Variants in FBXO11 observed in about 807,000 individuals in gnomAD.
FBXO11 encodes the protein F-box protein 11.
A neutral mutation model predicts 117.0 loss-of-function variants in FBXO11; 13 were observed. The observed-to-expected ratio is 0.11, with a 90% CI of 0.07 to 0.18. FBXO11 has a LOEUF of 0.18. FBXO11 is among the 10% of genes least tolerant of loss of function. The pLI, the probability that FBXO11 is intolerant of heterozygous loss-of-function variation, is 1.00. For missense variants in FBXO11, 767 were observed against 1,164.4 expected (o/e 0.66, Z 4.97); for synonymous variants, 490 against 380.5 (o/e 1.29, Z -3.35).
At chr2:47,903,095 A>T (rs1678423483) in intron 1 of FBXO11, among the ~76,000 whole-genome samples, 1 of 152,174 alleles carries the variant, frequency 6.6e-6, no homozygotes, top group Non-Finnish European at 1.5e-5. Flanking sequence ...ATTCTTAGTT[A>T]ACTTCTGATC....
At chr2:47,829,265 G>C (rs745797335) in intron 11 of FBXO11, among the ~76,000 whole-genome samples, 1 of 147,164 alleles carries the variant, frequency 6.8e-6, no homozygotes, top group African/African-American at 2.5e-5. Flanking sequence ...TTTTGAGACA[G>C]AGTCTTGCTC....
At chr2:47,905,440 TC>T (rs2104135637) in intron 1 of FBXO11, 48 bp downstream of exon 1, 1 of 1,193,652 alleles carries the variant, frequency 8.4e-7, no homozygotes, top group East Asian at 3.9e-5. Context: ...CGGCCTCCCT[TC>T]CCGCGGTGCC....
In FBXO11 at chr2:47,807,952, C is replaced by T. The variant is rs751961023; in HGVS notation, c.*166G>A. 7 of 635,682 alleles carry T rather than the reference C, an allele frequency of 1.1e-5. No individual in the cohort carries two copies. The highest frequency in any genetic ancestry group is 1.6e-5 in the Non-Finnish European group (6 of 369,016). The allele number at this position is 635,682 out of a possible 1,614,324, so 39.4% of individuals were successfully genotyped here. On this transcript the variant is annotated 3_prime_UTR_variant, in exon 23 of 23. Coordinates refer to ENST00000403359, the MANE Select transcript of FBXO11 (RefSeq NM_001190274.2). ...TTGAGATCCTGAGTCAATATATTGC[C>T]ACTTTCTTTTTGGTAGCTTGAGCTT...
At chr2:47,865,370 G>A (rs1675118280) in intron 1 of FBXO11, among the ~76,000 whole-genome samples, 1 of 152,188 alleles carries the variant, frequency 6.6e-6, no homozygotes, top group Non-Finnish European at 1.5e-5. Flanking sequence ...TATGACTTCT[G>A]AGATATGTTC....
chr2:47,898,045 C>A (rs981898750), intron 1 of FBXO11, among the ~76,000 whole-genome samples: 1 of 152,084 alleles, frequency 6.6e-6, no homozygotes, highest in Non-Finnish European at 1.5e-5. Flanking sequence ...TTGAACATAG[C>A]CCCATGATCT....
At chr2:47,875,816 T>G (rs1675961241) in intron 1 of FBXO11, among the ~76,000 whole-genome samples, 1 of 152,146 alleles carries the variant, frequency 6.6e-6, no homozygotes, top group Non-Finnish European at 1.5e-5. Context: ...ATACCAAGGG[T>G]TTAGCCTTCT....
intron 1 of FBXO11, among the ~76,000 whole-genome samples, chr2:47,882,745 T>A (rs1270745074): frequency 1.3e-5 from 2 of 152,104 alleles, no homozygotes; most frequent in Non-Finnish European, 1.5e-5. Flanking sequence ...TCTGCCTGCT[T>A]GGCTCAAGCC....
chr2:47,841,146 C>A (rs1235794012), intron 1 of FBXO11, among the ~76,000 whole-genome samples: 1 of 149,874 alleles, frequency 6.7e-6, no homozygotes, highest in Non-Finnish European at 1.5e-5. Flanking sequence ...TGCAGTGAGC[C>A]GAGATCATGC....
In FBXO11 at chr2:47,806,990, TTTAA is replaced by T; in HGVS notation, c.*1124_*1127del. On this transcript the variant is annotated 3_prime_UTR_variant, in exon 23 of 23. Coordinates refer to ENST00000403359, the MANE Select transcript of FBXO11 (RefSeq NM_001190274.2). ...TTTTCTTTCTAGGAAATTAAACCCT[TTTAA>T]TTCTTATCTACCTTCTACATAATGG... is the stretch of plus-strand genomic sequence containing the variant. 2.7e-6 allele frequency: 2 copies of T among 745,316 alleles called. No individual in the cohort carries two copies. The highest frequency in any genetic ancestry group is 2.2e-5 in the Admixed American group (1 of 45,362). The allele number at this position is 745,316 out of a possible 1,614,324, so 46.2% of individuals were successfully genotyped here. A position where few individuals can be genotyped will look rare whatever the true frequency, so the allele number is the denominator to read the frequency against.
intron 1 of FBXO11, among the ~76,000 whole-genome samples, chr2:47,880,397 T>C (rs909680971): frequency 1.3e-5 from 2 of 152,252 alleles, no homozygotes; most frequent in East Asian, 1.9e-4. Flanking sequence ...CTTTATTTTA[T>C]TCATTGATCT....
At chr2:47,830,464 G>T (rs1033620457) in intron 11 of FBXO11, among the ~76,000 whole-genome samples, 1 of 152,036 alleles carries the variant, frequency 6.6e-6, no homozygotes, top group Non-Finnish European at 1.5e-5. Flanking sequence ...ATGGAGAAAC[G>T]ATGATAAAAG....
intron 1 of FBXO11, among the ~76,000 whole-genome samples, chr2:47,868,390 C>G (rs1208714308): frequency 6.6e-6 from 1 of 151,842 alleles, no homozygotes; most frequent in Admixed American, 6.6e-5. Context: ...CAATATGCCA[C>G]AGTGTGGGCC....
In FBXO11 at chr2:47,829,616, T is replaced by C. The variant is rs181705131; in HGVS notation, c.1398+2733A>G. Among the ~76,000 whole-genome samples, 182 of 152,000 alleles carry C rather than the reference T, an allele frequency of 1.2e-3. 2 individuals carry two copies. The highest frequency in any genetic ancestry group is 1.8e-3 in the Non-Finnish European group (124 of 67,982). On this transcript the variant is annotated intron_variant, in intron 11 of 22. Transcript: ENST00000403359. ...TGAGTATTAAACAAACAAAAGACAA[T>C]TGGAGAACTGTGAACATTAAGAGAA... is the stretch of plus-strand genomic sequence containing the variant.
intron 1 of FBXO11, among the ~76,000 whole-genome samples, chr2:47,874,207 G>A (rs1162660082): frequency 2.0e-5 from 3 of 152,036 alleles, no homozygotes; most frequent in East Asian, 1.9e-4. Context: ...GTGCGAGACT[G>A]TCTCAAAAAT....
intron 18 of FBXO11, 161 bp from the exon 19 acceptor site, chr2:47,810,587 A>T: frequency 1.9e-6 from 1 of 521,446 alleles, no homozygotes. Context: ...ATTCAGAGGT[A>T]TTAAGGATCT....
At position 47,814,909 on chromosome 2, in the gene FBXO11, C is replaced by G. The variant is rs192234114; in HGVS notation, c.2007-1042G>C. On this transcript the variant is annotated intron_variant, in intron 16 of 22. Transcript: ENST00000403359. The stretch of plus-strand genomic sequence containing the variant: ...TCAACTATGTTCACAGCATCTTCAA[C>G]AGGAACAGACCCCACCTCAAGAAAA... 3.9e-5 allele frequency among the ~76,000 whole-genome samples: 6 copies of G among 152,288 alleles called. No homozygotes were observed. The East Asian group carries it at 1.2e-3, about 29-fold the overall frequency.
chr2:47,822,082 T>A (rs1308757605), intron 13 of FBXO11, 136 bp downstream of exon 13: 1 of 654,944 alleles, frequency 1.5e-6, no homozygotes, highest in Non-Finnish European at 2.7e-6. Flanking sequence ...TAAGACCTCA[T>A]TTCTTTAAAA....
At chr2:47,857,612 G>T (rs1350960082) in intron 1 of FBXO11, among the ~76,000 whole-genome samples, 3 of 152,116 alleles carry the variant, frequency 2.0e-5, no homozygotes, top group Non-Finnish European at 4.4e-5. Context: ...TAGGGATGTG[G>T]TTTAGGGGTA....
Position 47,832,620 on chromosome 2 carries a change from G to C in FBXO11, c.1212C>G (p.Asn404Lys). Residue 404 changes from asparagine (N) to lysine (K), a missense_variant, in exon 10 of 23, where the codon AAC becomes AAG. Asn to Lys is a moderately conservative substitution (Grantham distance 94). This residue lies in a region of FBXO11 where 33 missense variants were observed against 66.1 expected (regional missense o/e 0.50). Transcript: ENST00000403359. ...QGACPTIKHC[N>K]ISDCENVGLY... ...GTCCAACATTTTCACAGTCACTGAT[G>C]TTACAGTGCTTGATGGTGGGACATG... The C allele has an allele frequency of 6.2e-7, 1 of 1,613,916 alleles. No homozygotes were observed. The highest frequency in any genetic ancestry group is 1.1e-5 in the South Asian group (1 of 91,086).
Sources: allele counts gnomAD v4.1 joint callset (sites outside exome capture counted in the v4.1 genomes callset), GRCh38; gene constraint gnomAD v4.1.1; regional missense constraint gnomAD v4.1.1; transcripts MANE v1.5; gene names NCBI Gene and HGNC (gene_info 2026-07-23, HGNC 2026-07-21).